The following GFRA2 variants were observed in gnomAD, a reference collection of about 807,000 sequenced individuals.
GFRA2 encodes the protein GDNF family receptor alpha-2.
A neutral mutation model predicts 48.3 loss-of-function variants in GFRA2; 17 were observed. The observed-to-expected ratio is 0.35, with a 90% CI of 0.24 to 0.53. The LOEUF is 0.53. Ranked by LOEUF, GFRA2 falls within the 20% of genes least tolerant of loss-of-function variation. The pLI is 0.93. For synonymous variants in GFRA2, 305 were observed against 257.2 expected, an observed-to-expected ratio of 1.19 and a Z score of -1.78; for missense variants, 660 against 637.3, an observed-to-expected ratio of 1.04 and a Z score of -0.38.
At chr8:21,709,322 A>G (rs779798222) in intron 4 of GFRA2, among the ~76,000 whole-genome samples, 13 of 152,342 alleles carry the variant, frequency 8.5e-5, no homozygotes, top group Middle Eastern at 6.8e-3. Flanking sequence ...AGCCTGGACC[A>G]GGCAACTGAA....
intron 1 of GFRA2, among the ~76,000 whole-genome samples, chr8:21,786,083 G>C (rs1004508408): frequency 1.3e-5 from 2 of 152,200 alleles, no homozygotes; most frequent in African/African-American, 4.8e-5. Flanking sequence ...GAAACTGAAG[G>C]GCTGTGGAGC....
At chr8:21,742,957 T>C (rs6988470) in intron 4 of GFRA2, among the ~76,000 whole-genome samples, 86,808 of 152,146 alleles carry the variant, frequency 0.57, 27,422 homozygotes, top group African/African-American at 0.86. Context: ...CACAGCAGGG[T>C]GAAGCATGAA....
chr8:21,704,929 G>A, intron 6 of GFRA2, 56 bp downstream of exon 6: 1 of 1,308,398 alleles, frequency 7.6e-7, no homozygotes, highest in Non-Finnish European at 1.1e-6. Flanking sequence ...GGCTAGGACA[G>A]ACTCCAGGAG....
At chr8:21,795,467 A>G (rs1807654697) in intron 2 of GFRA2, among the ~76,000 whole-genome samples, 2 of 150,810 alleles carry the variant, frequency 1.3e-5, no homozygotes, top group East Asian at 2.0e-4. Flanking sequence ...ATCTCAGTTC[A>G]CTGCAAGCTC....
intron 4 of GFRA2, among the ~76,000 whole-genome samples, chr8:21,712,233 G>A (rs4739283): frequency 0.37 from 54,749 of 147,238 alleles, 8,321 homozygotes; most frequent in East Asian, 0.54. Flanking sequence ...GGGCGGAGGG[G>A]CTCCTCACTT....
In GFRA2 at chr8:21,750,795, T is replaced by C. The variant is rs1425826736; in HGVS notation, c.587A>G (p.Asn196Ser). ...CAGGGCCTTGTGGCACTTGCGGCGGTTGCAGCGCTCGGTGGGCGAGATCTC... is the reference window on the plus strand; with the variant it reads ...CAGGGCCTTGTGGCACTTGCGGCGGCTGCAGCGCTCGGTGGGCGAGATCTC... ...NREISPTERCNRRKCHKALRQ... is the reference protein window; with the variant it reads ...NREISPTERCSRRKCHKALRQ... The change falls in exon 4 of 9, where the codon AAC becomes AGC. Residue 196 changes from asparagine (N) to serine (S), a missense_variant. Transcript: ENST00000524240. This position sits in a 1 kb window ranked among gnomAD's most constrained non-coding sequence, Gnocchi z 5.7. 6.2e-7 allele frequency: 1 copy of C among 1,613,862 alleles called. No homozygotes were observed. The highest frequency in any genetic ancestry group is 2.2e-5 in the East Asian group (1 of 44,860).
At position 21,805,973 on chromosome 8, in the gene GFRA2, C is replaced by G. The variant is rs1202880569; in HGVS notation, c.-147-845G>C. ...GGGTGGCAGTTCCCTCAGGGAGAAGCCTGTCTTGGCCAGTCACCTGAAGCT... is the reference window on the plus strand; with the variant it reads ...GGGTGGCAGTTCCCTCAGGGAGAAGGCTGTCTTGGCCAGTCACCTGAAGCT... On this transcript the variant is annotated intron_variant, in intron 1 of 10. Transcript: ENST00000517328. Among the ~76,000 whole-genome samples the G allele has an allele frequency of 2.0e-5, 3 of 152,204 alleles. No individual in the cohort carries two copies. The East Asian group carries it at 5.8e-4, about 29-fold the overall frequency.
At chr8:21,806,426 G>A (rs2117119849) in intron 1 of GFRA2, among the ~76,000 whole-genome samples, 1 of 152,302 alleles carries the variant, frequency 6.6e-6, no homozygotes, top group Admixed American at 6.5e-5. Flanking sequence ...CACATTTAAG[G>A]TAGGCTAGAC....
At chr8:21,766,620 T>G (rs1341752514) in intron 3 of GFRA2, among the ~76,000 whole-genome samples, 1 of 151,110 alleles carries the variant, frequency 6.6e-6, no homozygotes, top group Non-Finnish European at 1.5e-5. Context: ...CTTTTTCTAA[T>G]GCCCCTCCCC....
At chr8:21,804,081 A>G (rs1807815535) in intron 2 of GFRA2, among the ~76,000 whole-genome samples, 1 of 152,194 alleles carries the variant, frequency 6.6e-6, no homozygotes, top group Non-Finnish European at 1.5e-5. Context: ...CTCATAACAT[A>G]TCAGAGCAGG....
chr8:21,782,737 T>C lies in GFRA2; in HGVS notation c.203A>G (p.Asp68Gly). 1 of 1,597,544 alleles carries C rather than the reference T, an allele frequency of 6.3e-7. No individual in the cohort carries two copies. Among genetic ancestry groups the C allele is most frequent in the Admixed American group, 1.7e-5 (1 of 57,900 alleles). Residue 68 changes from aspartate to glycine, a missense_variant, in exon 2 of 9, where the codon GAC becomes GGC. Transcript: ENST00000524240. The stretch of plus-strand genomic sequence containing the variant: ...CTTGTTGGCCAGCATGGTGTTGCGG[T>C]CGCGGCCTGCCAGGCACTGCCGCAG... Reference protein sequence around the residue: ...RTLRQCLAGRDRNTMLANKEC... With the variant: ...RTLRQCLAGRGRNTMLANKEC...
chr8:21,737,740 C>G (rs545275970), intron 4 of GFRA2, among the ~76,000 whole-genome samples: 9 of 152,288 alleles, frequency 5.9e-5, no homozygotes, highest in African/African-American at 2.2e-4. Context: ...GACCCTGTCT[C>G]CACACCACTC....
intron 1 of GFRA2, among the ~76,000 whole-genome samples, chr8:21,786,024 G>A (rs1807251037): frequency 6.6e-6 from 1 of 152,156 alleles, no homozygotes; most frequent in Admixed American, 6.5e-5. Flanking sequence ...TTCAGTATCT[G>A]TGGTCACTCC....
At chr8:21,756,776 C>A (rs1170338969) in intron 3 of GFRA2, among the ~76,000 whole-genome samples, 1 of 152,216 alleles carries the variant, frequency 6.6e-6, no homozygotes, top group Non-Finnish European at 1.5e-5. Context: ...CCAGCCCCCT[C>A]CGTCTCCCTG....
In GFRA2 at chr8:21,804,225, CACACAT is replaced by C. The variant is rs1382620916; in HGVS notation, c.-36+786_-36+791del. ...GCACACACACACACACACACACACACACACATGCATACACACAATTTACAGTTCCAA... is the reference window on the plus strand; with the variant it reads ...GCACACACACACACACACACACACACGCATACACACAATTTACAGTTCCAA... On this transcript the variant is annotated intron_variant, in intron 2 of 10. Coordinates refer to the GFRA2 transcript ENST00000517328. Among the ~76,000 whole-genome samples, 7 of 151,506 alleles carry C rather than the reference CACACAT, an allele frequency of 4.6e-5. No homozygotes were observed. In the East Asian group the frequency reaches 7.8e-4, roughly 17 times the overall value.
chr8:21,696,667 G>C (rs919579201), intron 7 of GFRA2, among the ~76,000 whole-genome samples: 1 of 152,146 alleles, frequency 6.6e-6, no homozygotes, highest in Non-Finnish European at 1.5e-5. Flanking sequence ...TCTAAAGGCC[G>C]ACGCTCCAGA....
At chr8:21,809,844 T>C (rs1299970817) in intron 1 of GFRA2, among the ~76,000 whole-genome samples, 3 of 152,134 alleles carry the variant, frequency 2.0e-5, no homozygotes, top group Non-Finnish European at 4.4e-5. Context: ...TCTTTAGCTA[T>C]AGAACACGGC....
At chr8:21,794,404 C>T (rs1807633071) in intron 2 of GFRA2, among the ~76,000 whole-genome samples, 1 of 151,874 alleles carries the variant, frequency 6.6e-6, no homozygotes, top group South Asian at 2.1e-4. Context: ...GCACCCACCA[C>T]CACACCCAGC....
At chr8:21,719,569 G>C (rs1803497082) in intron 4 of GFRA2, among the ~76,000 whole-genome samples, 1 of 152,206 alleles carries the variant, frequency 6.6e-6, no homozygotes, top group African/African-American at 2.4e-5. Flanking sequence ...AGTCACTATA[G>C]ACTTGCTGTC....
Sources: allele counts gnomAD v4.1 joint callset (sites outside exome capture counted in the v4.1 genomes callset), GRCh38; gene constraint gnomAD v4.1.1; non-coding constraint Gnocchi (gnomAD v3.1); transcripts MANE v1.5; gene names NCBI Gene and HGNC (gene_info 2026-07-23, HGNC 2026-07-21).